Variants in NSD1 observed in about 807,000 individuals in gnomAD.
NSD1 encodes histone-lysine N-methyltransferase, H3 lysine-36 specific.
A neutral mutation model predicts 242.7 loss-of-function variants in NSD1; 26 were observed. That is an observed-to-expected ratio of 0.11 (90% confidence interval 0.08 to 0.15). The LOEUF (loss-of-function observed/expected upper bound fraction) is 0.15. NSD1 is among the 10% of genes least tolerant of loss of function. NSD1 has a pLI of 1.00. For synonymous variants in NSD1, 1,106 were observed against 1,178.1 expected (o/e 0.94, Z 1.25); for missense variants, 2,495 against 3,272.8 (o/e 0.76, Z 5.80).
chr5:177,208,849 C>T (rs982941122), intron 4 of NSD1, among the ~76,000 whole-genome samples: 3 of 151,996 alleles, frequency 2.0e-5, no homozygotes, highest in Non-Finnish European at 4.4e-5. Context: ...GTGTCTGCCA[C>T]CACACCTGGC....
chr5:177,136,349 G>T, intron 2 of NSD1: 1 of 237,002 alleles, frequency 4.2e-6, no homozygotes. Context: ...AAAAAAAGAT[G>T]GGTTTTGGCC....
intron 21 of NSD1, 29 bp downstream of exon 21, chr5:177,288,954 G>A (rs778325784): frequency 6.7e-7 from 1 of 1,493,434 alleles, no homozygotes; most frequent in Non-Finnish European, 9.3e-7. Context: ...TCTGCTTTGG[G>A]ATTAGTGGTG....
chr5:177,158,995 ATT>A (rs1223720939), intron 2 of NSD1, among the ~76,000 whole-genome samples: 1 of 67,032 alleles, frequency 1.5e-5, no homozygotes, highest in Non-Finnish European at 2.4e-5. Flanking sequence ...TATATGAATG[ATT>A]TTATATATAT....
intron 16 of NSD1, among the ~76,000 whole-genome samples, chr5:177,273,220 G>A (rs1758081347): frequency 6.8e-6 from 1 of 147,056 alleles, no homozygotes; most frequent in South Asian, 2.2e-4. Context: ...ACGCACAGTT[G>A]TCTAATCTTT....
At position 177,282,384 on chromosome 5, in the gene NSD1, A is replaced by T. The variant is rs1758961742; in HGVS notation, c.5893-81A>T. The T allele has an allele frequency of 6.8e-5, 60 of 882,682 alleles. No individual in the cohort carries two copies. The South Asian group carries it at 7.2e-4, about 11-fold the overall frequency. 54.7% of individuals were successfully genotyped at this position (882,682 alleles called of 1,614,324 possible). On this transcript the variant is annotated intron_variant, in intron 18 of 22. Coordinates refer to ENST00000439151, the MANE Select transcript of NSD1 (RefSeq NM_022455.5). ...CTGCTTTGTAGAATGTGATGTTTTC[A>T]TTAATTTTTTAAAAAAATGTATACA...
chr5:177,277,533 A>G (rs1353013917), intron 17 of NSD1, among the ~76,000 whole-genome samples: 2 of 152,210 alleles, frequency 1.3e-5, no homozygotes. Context: ...TTACATATCC[A>G]TGTCTTTGTT....
chr5:177,267,529 T>G, intron 14 of NSD1, 33 bp from the exon 15 acceptor site: 5 of 1,610,670 alleles, frequency 3.1e-6, no homozygotes, highest in Middle Eastern at 1.7e-4. Context: ...TGCAGTCTTG[T>G]GATCTGAATG....
chr5:177,149,210 T>C (rs1378908439), intron 2 of NSD1, among the ~76,000 whole-genome samples: 2 of 151,600 alleles, frequency 1.3e-5, no homozygotes, highest in South Asian at 2.1e-4. Flanking sequence ...TAATGTCTCA[T>C]CTCATTATGT....
intron 3 of NSD1, among the ~76,000 whole-genome samples, chr5:177,199,280 C>T (rs1006965284): frequency 2.6e-5 from 4 of 151,938 alleles, no homozygotes; most frequent in Non-Finnish European, 5.9e-5. Context: ...TTTTTAGAGG[C>T]AGGGTCTTGC....
chr5:177,219,367 A>G (rs1286178936), intron 5 of NSD1, among the ~76,000 whole-genome samples: 1 of 151,422 alleles, frequency 6.6e-6, no homozygotes, highest in African/African-American at 2.4e-5. Flanking sequence ...TTGTATTTTT[A>G]GTAGAGACGG....
At chr5:177,185,873 AATT>A (rs1211072660) in intron 2 of NSD1, among the ~76,000 whole-genome samples, 1 of 87,510 alleles carries the variant, frequency 1.1e-5, no homozygotes, top group African/African-American at 4.9e-5. Flanking sequence ...ATATTTATAT[AATT>A]AATATATATA....
chr5:177,288,669 A>G (rs1255287884), intron 20 of NSD1, 150 bp from the exon 21 acceptor site: 1 of 636,438 alleles, frequency 1.6e-6, no homozygotes, highest in African/African-American at 1.8e-5. Flanking sequence ...TATTAATGTT[A>G]TAAGATTAGA....
intron 11 of NSD1, among the ~76,000 whole-genome samples, chr5:177,250,051 A>T (rs1403761188): frequency 6.6e-6 from 1 of 152,124 alleles, no homozygotes; most frequent in African/African-American, 2.4e-5. Flanking sequence ...ATGCCACTGC[A>T]CTCCCACCTG....
chr5:177,185,350 G>A (rs1427896372), intron 2 of NSD1, among the ~76,000 whole-genome samples: 2 of 151,872 alleles, frequency 1.3e-5, no homozygotes, highest in Non-Finnish European at 2.9e-5. Flanking sequence ...TGTAATCCCA[G>A]CACTTGGGAG....
chr5:177,197,325 A>G (rs949420336), intron 3 of NSD1, among the ~76,000 whole-genome samples: 2 of 151,994 alleles, frequency 1.3e-5, no homozygotes, highest in Admixed American at 6.5e-5. Context: ...GATCAGTAAC[A>G]ACTAATAATA....
At chr5:177,240,831 C>A (rs571832104) in intron 8 of NSD1, among the ~76,000 whole-genome samples, 1 of 151,726 alleles carries the variant, frequency 6.6e-6, no homozygotes, top group South Asian at 2.1e-4. Context: ...ATAAAGGAGA[C>A]CTTGTCTCTA....
chr5:177,198,250 T>A (rs1290859528), intron 3 of NSD1, among the ~76,000 whole-genome samples: 1 of 152,198 alleles, frequency 6.6e-6, no homozygotes, highest in Non-Finnish European at 1.5e-5. Flanking sequence ...GGTCTTGAAC[T>A]CCTGGCCTTA....
At chr5:177,148,882 G>A (rs1277442755) in intron 2 of NSD1, among the ~76,000 whole-genome samples, 3 of 152,102 alleles carry the variant, frequency 2.0e-5, no homozygotes, top group Non-Finnish European at 4.4e-5. Flanking sequence ...GCAGTGGCAC[G>A]ATCTCGGCTC....
At chr5:177,236,530 G>C (rs1765447977) in intron 6 of NSD1, among the ~76,000 whole-genome samples, 1 of 152,070 alleles carries the variant, frequency 6.6e-6, no homozygotes, top group Non-Finnish European at 1.5e-5. Context: ...ATTGTAACTG[G>C]TTGTTATGGT....
Sources: gnomAD v4.1 joint callset for allele counts (sites outside exome capture counted in the v4.1 genomes callset) on GRCh38, gnomAD v4.1.1 for gene constraint, MANE v1.5 for transcripts, NCBI Gene and HGNC (gene_info 2026-07-23, HGNC 2026-07-21) for gene names.